The following LRP1B variants were observed in gnomAD, a reference collection of about 807,000 sequenced individuals.
The protein encoded by LRP1B is low-density lipoprotein receptor-related protein 1B.
LRP1B carries 217 observed loss-of-function variants against 556.6 expected under a neutral mutation model. The observed-to-expected ratio is 0.39, with a 90% confidence interval of 0.35 to 0.44. The LOEUF (loss-of-function observed/expected upper bound fraction) is 0.44. Ranked by LOEUF, LRP1B falls within the 20% of genes least tolerant of loss-of-function variation. LRP1B has a pLI of 1.00. For synonymous variants in LRP1B, 2,047 were observed against 1,865.8 expected, an observed-to-expected ratio of 1.10 and a Z score of -2.50; for missense variants, 5,053 against 5,620.8, an observed-to-expected ratio of 0.90 and a Z score of 3.23.
intron 6 of LRP1B, among the ~76,000 whole-genome samples, chr2:141,200,805 C>T (rs1015634757): frequency 6.6e-6 from 1 of 152,040 alleles, no homozygotes; most frequent in Non-Finnish European, 1.5e-5. Context: ...AATTCACTGC[C>T]GTTATTTCCA....
intron 15 of LRP1B, among the ~76,000 whole-genome samples, chr2:141,001,799 T>G (rs1023921981): frequency 1.3e-5 from 2 of 152,116 alleles, no homozygotes; most frequent in African/African-American, 4.8e-5. Flanking sequence ...CGCACGCATA[T>G]GCATGTGCAT....
intron 3 of LRP1B, among the ~76,000 whole-genome samples, chr2:141,290,334 G>A (rs1042588729): frequency 1.3e-5 from 2 of 152,072 alleles, no homozygotes; most frequent in African/African-American, 4.8e-5. Flanking sequence ...GAAAATGCTA[G>A]TATTTCTTTT....
chr2:141,800,778 C>A (rs889013953), intron 2 of LRP1B, among the ~76,000 whole-genome samples: 1 of 152,146 alleles, frequency 6.6e-6, no homozygotes, highest in Non-Finnish European at 1.5e-5. Flanking sequence ...TAGGTTAAAG[C>A]TATGGCACAT....
At chr2:140,972,662 T>C (rs1048959823) in intron 18 of LRP1B, among the ~76,000 whole-genome samples, 2 of 151,860 alleles carry the variant, frequency 1.3e-5, no homozygotes, top group Non-Finnish European at 2.9e-5. Context: ...ACTTGAAAAT[T>C]ATGGGGAGTG....
intron 60 of LRP1B, among the ~76,000 whole-genome samples, chr2:140,468,108 C>T (rs150854531): frequency 6.8e-4 from 104 of 152,290 alleles, no homozygotes; most frequent in African/African-American, 2.2e-3. Context: ...CCATCCATCA[C>T]AGGCCCAGAA....
chr2:140,754,844 G>A (rs1043323692), intron 35 of LRP1B, among the ~76,000 whole-genome samples: 2 of 149,656 alleles, frequency 1.3e-5, no homozygotes, highest in African/African-American at 4.9e-5. Context: ...AATACAGAGA[G>A]GAAAAACAAC....
chr2:141,265,979 T>C (rs535746330), intron 3 of LRP1B, among the ~76,000 whole-genome samples: 44 of 152,268 alleles, frequency 2.9e-4, no homozygotes, highest in African/African-American at 9.9e-4. Context: ...TTCTCACCAA[T>C]AGAACATGAG....
chr2:141,636,111 A>G (rs1689101397), intron 2 of LRP1B, among the ~76,000 whole-genome samples: 1 of 152,176 alleles, frequency 6.6e-6, no homozygotes, highest in South Asian at 2.1e-4. Flanking sequence ...CAGTAAAAAA[A>G]AGATATGAAA....
chr2:140,672,967 C>T (rs910489616), intron 41 of LRP1B, among the ~76,000 whole-genome samples: 1 of 152,190 alleles, frequency 6.6e-6, no homozygotes, highest in Non-Finnish European at 1.5e-5. Flanking sequence ...TTTAGCTCTT[C>T]TTTCTTCTGA....
In LRP1B at chr2:140,626,833, T is replaced by G. The variant is rs757788331; in HGVS notation, c.6800-25194A>C. ...CTCCCACAAGTCAATAAGAAAACTA[T>G]GAAAAACACAATTTTTAAATGCAAT... is the stretch of plus-strand genomic sequence containing the variant. On this transcript the variant is annotated intron_variant, in intron 41 of 90. Transcript: ENST00000389484. Among the ~76,000 whole-genome samples the G allele has an allele frequency of 5.9e-5, 9 of 151,928 alleles. 1 individual carries two copies. Among genetic ancestry groups the G allele is most frequent in the Non-Finnish European group, 8.8e-5 (6 of 67,986 alleles).
In LRP1B at chr2:140,388,892, C is replaced by T. The variant is rs181625520; in HGVS notation, c.10415-2883G>A. Among the ~76,000 whole-genome samples, 371 of 152,256 alleles carry T rather than the reference C, an allele frequency of 2.4e-3. 3 individuals carry two copies. Among genetic ancestry groups the T allele is most frequent in the African/African-American group, 8.7e-3 (361 of 41,564 alleles). ...TCAGACTCTCTGGGGTGGGATCCAA[C>T]CATCAGTATTCATTGAAGCTAGTCT... On this transcript the variant is annotated intron_variant, in intron 66 of 90. Transcript: ENST00000389484.
chr2:141,855,426 T>C (rs760589638), intron 1 of LRP1B, among the ~76,000 whole-genome samples: 1 of 152,084 alleles, frequency 6.6e-6, no homozygotes, highest in Non-Finnish European at 1.5e-5. Context: ...TGCATGGGAT[T>C]TGAGCAGAGG....
At chr2:140,637,804 T>C (rs1574174350) in intron 41 of LRP1B, among the ~76,000 whole-genome samples, 1 of 152,204 alleles carries the variant, frequency 6.6e-6, no homozygotes, top group South Asian at 2.1e-4. Context: ...TACTTCTCAC[T>C]GGTCCCTCTA....
chr2:140,433,143 G>A (rs147959404), intron 66 of LRP1B, among the ~76,000 whole-genome samples: 2 of 152,096 alleles, frequency 1.3e-5, no homozygotes, highest in Non-Finnish European at 2.9e-5. Flanking sequence ...CTGTTGCCCC[G>A]GCTGGAGTGC....
intron 1 of LRP1B, among the ~76,000 whole-genome samples, chr2:141,943,658 T>G (rs1373475710): frequency 6.6e-6 from 1 of 152,112 alleles, no homozygotes; most frequent in Non-Finnish European, 1.5e-5. Flanking sequence ...AAACATCTAT[T>G]AGAAAGTTTC....
At chr2:141,079,095 A>T (rs1480250331) in intron 7 of LRP1B, among the ~76,000 whole-genome samples, 3 of 152,176 alleles carry the variant, frequency 2.0e-5, no homozygotes, top group Non-Finnish European at 2.9e-5. Flanking sequence ...GTACTTATAA[A>T]CCCACACTTT....
intron 2 of LRP1B, among the ~76,000 whole-genome samples, chr2:141,739,545 C>T (rs1182602871): frequency 2.0e-5 from 3 of 152,104 alleles, no homozygotes; most frequent in Non-Finnish European, 4.4e-5. Context: ...CAGCAAATAG[C>T]TTAGTCTACC....
At chr2:140,775,467 A>ATTTTTTTTTTTTTTTTTTTTT (rs61535948) in intron 33 of LRP1B, among the ~76,000 whole-genome samples, 1 of 111,188 alleles carries the variant, frequency 9.0e-6, no homozygotes, top group African/African-American at 3.4e-5. Flanking sequence ...TTTTTGGTTG[A>ATTTTTTTTTTTTTTTTTTTTT]TTTTTTTTTT....
intron 41 of LRP1B, among the ~76,000 whole-genome samples, chr2:140,639,059 AAACTCT>A (rs1684178874): frequency 6.6e-6 from 1 of 152,148 alleles, no homozygotes. Flanking sequence ...AACATGTCAT[AAACTCT>A]TTGAAGCGAT....
Sources: allele counts gnomAD v4.1 joint callset (sites outside exome capture counted in the v4.1 genomes callset), GRCh38; gene constraint gnomAD v4.1.1; transcripts MANE v1.5; gene names NCBI Gene and HGNC (gene_info 2026-07-23, HGNC 2026-07-21).